TMPRSS9: variants seen among roughly 807,000 people sequenced by gnomAD.
The protein encoded by TMPRSS9 is transmembrane protease serine 9.
A neutral mutation model predicts 111.4 loss-of-function variants in TMPRSS9; 113 were observed. The ratio of observed to expected loss-of-function variants is 1.01; its 90% CI spans 0.87 to 1.19. TMPRSS9 has a LOEUF of 1.19. Ranked by LOEUF, TMPRSS9 falls within the 50% of genes most tolerant of loss-of-function variation. TMPRSS9 has a pLI of 0.00. For synonymous variants in TMPRSS9, 805 were observed against 659.1 expected (o/e 1.22, Z -3.39); for missense variants, 1,803 against 1,513.1 (o/e 1.19, Z -3.18).
Position 2,361,179 on chromosome 19 carries a change from G to A in TMPRSS9, c.-26+819G>A, listed in dbSNP as rs188928034. On this transcript the variant is annotated intron_variant, in intron 1 of 17. Transcript: ENST00000649857. ...GGGAGGTGAGTCTGGGGTGTGGTGCGGGGCTGGGGTGGGAGGCTGGGGTGG... is the reference window on the plus strand; with the variant it reads ...GGGAGGTGAGTCTGGGGTGTGGTGCAGGGCTGGGGTGGGAGGCTGGGGTGG... Among the ~76,000 whole-genome samples, 100 of 74,444 alleles carry A rather than the reference G, an allele frequency of 1.3e-3. No homozygotes were observed. The East Asian group carries it at 0.037, about 28-fold the overall frequency. The allele number at this position is 74,444 out of a possible 152,430, so 48.8% of individuals were successfully genotyped here.
intron 6 of TMPRSS9, among the ~76,000 whole-genome samples, chr19:2,403,566 T>G (rs7248779): frequency 0.61 from 92,656 of 151,704 alleles, 30,395 homozygotes; most frequent in African/African-American, 0.86. Context: ...TAAAATGCCG[T>G]AAGAGATTAG....
intron 15 of TMPRSS9, 23 bp from the exon 17 acceptor site, chr19:2,424,979 G>A (rs1454451151): frequency 2.0e-6 from 3 of 1,487,244 alleles, no homozygotes; most frequent in African/African-American, 1.4e-5. Flanking sequence ...TCGGGCCGAC[G>A]CCTGTCCTCG....
intron 7 of TMPRSS9, among the ~76,000 whole-genome samples, chr19:2,406,166 A>C (rs564030954): frequency 1.3e-5 from 2 of 148,760 alleles, no homozygotes; most frequent in African/African-American, 5.0e-5. Context: ...GCCCGCCACC[A>C]CGCCCAGCTA....
exon 15 of TMPRSS9, chr19:2,424,122 T>G: frequency 7.2e-7 from 1 of 1,382,872 alleles, no homozygotes; most frequent in Non-Finnish European, 9.4e-7. Context: ...CTCACCAGGA[T>G]TGTGGGCGGC....
intron 10 of TMPRSS9, among the ~76,000 whole-genome samples, chr19:2,414,690 C>T (rs1223228214): frequency 6.6e-6 from 1 of 151,428 alleles, no homozygotes; most frequent in Non-Finnish European, 1.5e-5. Flanking sequence ...GCCTGGCCAA[C>T]ATGGCAAAAC....
At position 2,416,535 on chromosome 19, in the gene TMPRSS9, T is replaced by C. The variant is rs763674206; in HGVS notation, c.1746-3T>C. On this transcript the variant is annotated splice_region_variant and splice_polypyrimidine_tract_variant and intron_variant, in intron 11 of 17. Coordinates refer to ENST00000648592, the Ensembl canonical transcript of TMPRSS9. ...GGCATGTCTGAGGGCCCTGTCTCCA[T>C]AGCACGAAGGTGGAGCAGGTTCGGG... 5 of 1,604,626 alleles carry C rather than the reference T, an allele frequency of 3.1e-6. No individual in the cohort carries two copies. The highest frequency in any genetic ancestry group is 2.2e-5 in the East Asian group (1 of 44,780).
chr19:2,422,340 G>C (rs1352654223), intron 14 of TMPRSS9, 93 bp downstream of exon 15: 28 of 1,411,386 alleles, frequency 2.0e-5, no homozygotes, highest in Non-Finnish European at 2.6e-5. Context: ...TCCACTTTGG[G>C]AGGCCGAGGC....
At chr19:2,385,823 C>T (rs933381089), upstream of TMPRSS9, among the ~76,000 whole-genome samples, 2 of 152,126 alleles carry the variant, frequency 1.3e-5, no homozygotes, top group African/African-American at 4.8e-5. Context: ...TGCATTCCAG[C>T]CTGGGTGACA....
intron 1 of TMPRSS9, among the ~76,000 whole-genome samples, chr19:2,381,803 A>G (rs2145262725): frequency 6.6e-6 from 1 of 151,860 alleles, no homozygotes; most frequent in Admixed American, 6.6e-5. Context: ...ACCCTCGGAG[A>G]CATTAGAATT....
intron 5 of TMPRSS9, among the ~76,000 whole-genome samples, chr19:2,402,729 A>C (rs1042098074): frequency 2.0e-5 from 3 of 151,966 alleles, no homozygotes; most frequent in Admixed American, 6.6e-5. Context: ...CAAGAGTGAA[A>C]CTCTGTCTCA....
At chr19:2,379,649 CTT>C (rs1438987123) in intron 1 of TMPRSS9, among the ~76,000 whole-genome samples, 2 of 149,112 alleles carry the variant, frequency 1.3e-5, no homozygotes, top group Admixed American at 1.4e-4. Context: ...TTCTTTCTTT[CTT>C]TCTTTCTTTC....
rs1450376186 is a variant in TMPRSS9 at position 2,425,578 on chromosome 19, G to T, written c.3120+85G>T. ...CCCGCTGCCACGAAGCCCACCATCC[G>T]GGAGCCACCCTCCGGTGCAGGCTTC... is the stretch of plus-strand genomic sequence containing the variant. On this transcript the variant is annotated intron_variant, in intron 17 of 17. Transcript: ENST00000648592. The T allele has an allele frequency of 6.4e-6, 9 of 1,401,290 alleles. No individual in the cohort carries two copies. In the Admixed American group the frequency reaches 2.1e-4, roughly 33 times the overall value. 86.8% of individuals were successfully genotyped at this position (1,401,290 alleles called of 1,614,324 possible). A position where few individuals can be genotyped will look rare whatever the true frequency, so the allele number is the denominator to read the frequency against.
intron 7 of TMPRSS9, among the ~76,000 whole-genome samples, chr19:2,407,078 G>A (rs1970984100): frequency 6.6e-6 from 1 of 151,990 alleles, no homozygotes; most frequent in Non-Finnish European, 1.5e-5. Flanking sequence ...GGGATTACAT[G>A]TGTGAGCCAC....
At chr19:2,402,976 A>T in intron 5 of TMPRSS9, 106 bp from the exon 7 acceptor site, 1 of 785,324 alleles carries the variant, frequency 1.3e-6, no homozygotes, top group Non-Finnish European at 2.2e-6. Flanking sequence ...GGAGAGAGAG[A>T]GTTTCCACAT....
At chr19:2,381,768 C>G (rs1208719184) in intron 1 of TMPRSS9, among the ~76,000 whole-genome samples, 1 of 152,206 alleles carries the variant, frequency 6.6e-6, no homozygotes, top group Admixed American at 6.6e-5. Context: ...ATAGGGTTGC[C>G]AGACTCAACA....
chr19:2,419,360 T>C (rs866852805), intron 13 of TMPRSS9, among the ~76,000 whole-genome samples: 170 of 142,614 alleles, frequency 1.2e-3, no homozygotes, highest in Middle Eastern at 4.5e-3. Flanking sequence ...CCCGCCACCA[T>C]GCCCAGCTAA....
intron 1 of TMPRSS9, among the ~76,000 whole-genome samples, chr19:2,373,521 T>C (rs1970306499): frequency 6.6e-6 from 1 of 152,152 alleles, no homozygotes; most frequent in Non-Finnish European, 1.5e-5. Flanking sequence ...TGTACCACCA[T>C]GCCCAGCTAA....
At chr19:2,380,508 G>C (rs149645561) in intron 1 of TMPRSS9, among the ~76,000 whole-genome samples, 4,285 of 148,294 alleles carry the variant, frequency 0.029, 82 homozygotes, top group East Asian at 0.044. Flanking sequence ...AGCTGAGGCA[G>C]TAGAATCACT....
chr19:2,361,624 G>A (rs1378900019), intron 1 of TMPRSS9, among the ~76,000 whole-genome samples: 2 of 152,260 alleles, frequency 1.3e-5, no homozygotes, highest in East Asian at 3.9e-4. Context: ...CGCATGACCG[G>A]GAATGACCCA....
Sources: allele counts gnomAD v4.1 joint callset (sites outside exome capture counted in the v4.1 genomes callset), GRCh38; gene constraint gnomAD v4.1.1; transcripts MANE v1.5; gene names NCBI Gene and HGNC (gene_info 2026-07-23, HGNC 2026-07-21).